Variants in ZNF727 observed in about 807,000 individuals in gnomAD.
ZNF727 encodes the protein zinc finger protein 727.
Under a neutral mutation model 11.5 loss-of-function variants are expected in ZNF727, and 11 were observed. That is an observed-to-expected ratio of 0.95 (90% CI 0.60 to 1.58). ZNF727 has a LOEUF of 1.58. Ranked by LOEUF, ZNF727 falls within the 40% of genes most tolerant of loss-of-function variation. The pLI is 0.00. For synonymous variants in ZNF727, 171 were observed against 196.1 expected (o/e 0.87, Z 1.07); for missense variants, 533 against 581.7 (o/e 0.92, Z 0.86).
At position 64,045,451 on chromosome 7, in the gene ZNF727, A is replaced by T; in HGVS notation, c.-171A>T. The T allele has an allele frequency of 1.1e-6, 1 of 924,758 alleles. No individual in the cohort carries two copies. The highest frequency in any genetic ancestry group is 1.7e-6 in the Non-Finnish European group (1 of 580,378). 57.3% of individuals were successfully genotyped at this position (924,758 alleles called of 1,614,324 possible). The stretch of plus-strand genomic sequence containing the variant: ...GAAGAGGCGGGCTCTTCAATATGGC[A>T]AGGCCTTCGTCTCCTAGCTTCTAGG... On this transcript the variant is annotated 5_prime_UTR_variant, in exon 1 of 4. Transcript: ENST00000456806.
At chr7:64,063,237 T>C (rs1789803801) in intron 1 of ZNF727, among the ~76,000 whole-genome samples, 1 of 152,156 alleles carries the variant, frequency 6.6e-6, no homozygotes, top group Non-Finnish European at 1.5e-5. Flanking sequence ...TTCTGGGCTT[T>C]TTAATACCTG....
chr7:64,070,620 ATACT>A (rs944998806), intron 3 of ZNF727, among the ~76,000 whole-genome samples: 4 of 152,180 alleles, frequency 2.6e-5, no homozygotes, highest in South Asian at 2.1e-4. Context: ...ATAACCTTAC[ATACT>A]TACTTTTTTG....
Position 64,068,879 on chromosome 7 carries a change from T to C in ZNF727, c.4-12T>C. 1 of 1,576,384 alleles carries C rather than the reference T, an allele frequency of 6.3e-7. No individual in the cohort carries two copies. The highest frequency in any genetic ancestry group is 8.6e-7 in the Non-Finnish European group (1 of 1,160,274). On this transcript the variant is annotated splice_polypyrimidine_tract_variant and intron_variant, in intron 1 of 3. Transcript: ENST00000456806. ...TTCTTTGGTCACTTGGTAAATATGT[T>C]TTGTTTTTCAGCGAGTGCTAACATT... is the stretch of plus-strand genomic sequence containing the variant.
At chr7:64,075,787 G>A (rs367764598) in intron 3 of ZNF727, among the ~76,000 whole-genome samples, 5 of 152,152 alleles carry the variant, frequency 3.3e-5, no homozygotes, top group South Asian at 2.1e-4. Context: ...GTACTGTGCC[G>A]TCTACCTGAG....
At chr7:64,054,015 C>A (rs1173533950) in intron 1 of ZNF727, among the ~76,000 whole-genome samples, 1 of 152,152 alleles carries the variant, frequency 6.6e-6, no homozygotes, top group Non-Finnish European at 1.5e-5. Flanking sequence ...TTCTGGAACA[C>A]CCATCTGGGC....
intron 1 of ZNF727, among the ~76,000 whole-genome samples, chr7:64,066,325 A>G (rs1385009010): frequency 6.6e-6 from 1 of 152,212 alleles, no homozygotes; most frequent in African/African-American, 2.4e-5. Context: ...TATGGAACCA[A>G]AAAAGTGCAT....
intron 1 of ZNF727, among the ~76,000 whole-genome samples, chr7:64,065,649 C>CA (rs1404825665): frequency 6.6e-6 from 1 of 152,198 alleles, no homozygotes; most frequent in African/African-American, 2.4e-5. Flanking sequence ...AAGTCAGAGA[C>CA]TGTGTCCACT....
intron 3 of ZNF727, among the ~76,000 whole-genome samples, chr7:64,071,678 T>G (rs991991475): frequency 9.9e-5 from 15 of 152,224 alleles, no homozygotes; most frequent in Middle Eastern, 3.4e-3. Flanking sequence ...AAACCAATAT[T>G]AAGGTTTTAA....
rs140142998 is a variant in ZNF727 at position 64,080,423 on chromosome 7, C to T, written c.*1874C>T. On this transcript the variant is annotated 3_prime_UTR_variant, in exon 4 of 4. Coordinates refer to ENST00000456806, the MANE Select transcript of ZNF727 (RefSeq NM_001159522.3). ...TCTTGAAGCTCTGAGATTCTTCCCT[C>T]TGCTTGGCCTATTCTTCTATTAACA... is the stretch of plus-strand genomic sequence containing the variant. 1.3e-5 allele frequency among the ~76,000 whole-genome samples: 2 copies of T among 152,242 alleles called. No individual in the cohort carries two copies. The highest frequency in any genetic ancestry group is 4.8e-5 in the African/African-American group (2 of 41,542).
At chr7:64,073,925 G>A (rs1001261129) in intron 3 of ZNF727, among the ~76,000 whole-genome samples, 1 of 152,010 alleles carries the variant, frequency 6.6e-6, no homozygotes, top group Non-Finnish European at 1.5e-5. Context: ...TTCATATTAA[G>A]GGAGACAGAC....
chr7:64,072,916 G>A (rs1007407759), intron 3 of ZNF727, among the ~76,000 whole-genome samples: 1 of 152,000 alleles, frequency 6.6e-6, no homozygotes, highest in Non-Finnish European at 1.5e-5. Context: ...ACCCAGGCTG[G>A]TCTCAAACTC....
At chr7:64,064,470 C>T (rs560434882) in intron 1 of ZNF727, among the ~76,000 whole-genome samples, 115 of 152,200 alleles carry the variant, frequency 7.6e-4, no homozygotes, top group African/African-American at 2.5e-3. Flanking sequence ...GTCCAAGCTG[C>T]GGGACAAAGT....
intron 1 of ZNF727, among the ~76,000 whole-genome samples, chr7:64,062,431 G>A (rs1467040327): frequency 1.3e-5 from 2 of 151,334 alleles, no homozygotes; most frequent in Non-Finnish European, 3.0e-5. Flanking sequence ...TATTTTTGCT[G>A]GATGTATTAT....
chr7:64,064,213 G>A (rs1562793924), intron 1 of ZNF727, among the ~76,000 whole-genome samples: 2 of 152,128 alleles, frequency 1.3e-5, no homozygotes, highest in Non-Finnish European at 2.9e-5. Context: ...CCACATGGCT[G>A]CCACAGCTTG....
In ZNF727 at chr7:64,083,027, C is replaced by T. The variant is rs780946017; in HGVS notation, c.*4478C>T. On this transcript the variant is annotated 3_prime_UTR_variant, in exon 4 of 4. Coordinates refer to ENST00000456806, the MANE Select transcript of ZNF727 (RefSeq NM_001159522.3). ...AAGTCACACAAACAGCAAAAATGGC[C>T]GCTCACTCTTCCCTTTAGGAGCTGT... Among the ~76,000 whole-genome samples, 6 of 152,180 alleles carry T rather than the reference C, an allele frequency of 3.9e-5. No homozygotes were observed. Among genetic ancestry groups the T allele is most frequent in the Admixed American group, 6.5e-5 (1 of 15,286 alleles).
chr7:64,084,672 T>G lies in ZNF727; in HGVS notation c.*6123T>G, dbSNP rs901848032. ...ATTCTGAACAACTATTTACAAAATT[T>G]TATCCTACTTTTTTCTGTTGAAAAT... On this transcript the variant is annotated 3_prime_UTR_variant, in exon 4 of 4. Coordinates refer to ENST00000456806, the MANE Select transcript of ZNF727 (RefSeq NM_001159522.3). 1.1e-4 allele frequency among the ~76,000 whole-genome samples: 17 copies of G among 152,314 alleles called. No homozygotes were observed. Among genetic ancestry groups the G allele is most frequent in the African/African-American group, 3.8e-4 (16 of 41,586 alleles).
At chr7:64,050,782 G>GCATA (rs1562789779) in intron 1 of ZNF727, among the ~76,000 whole-genome samples, 1 of 128,296 alleles carries the variant, frequency 7.8e-6, no homozygotes, top group Admixed American at 8.5e-5. Context: ...ATGTATGTGT[G>GCATA]TGTGTGTGTG....
chr7:64,063,858 T>A (rs1434911577), intron 1 of ZNF727, among the ~76,000 whole-genome samples: 1 of 152,076 alleles, frequency 6.6e-6, no homozygotes, highest in Non-Finnish European at 1.5e-5. Context: ...TCCTTCCTAC[T>A]CTTTTCTCTC....
At chr7:64,063,537 C>A (rs567720561) in intron 1 of ZNF727, among the ~76,000 whole-genome samples, 2 of 152,102 alleles carry the variant, frequency 1.3e-5, no homozygotes, top group African/African-American at 4.8e-5. Context: ...ACACTAGCAC[C>A]CCTGTGGCCA....
Sources: allele counts gnomAD v4.1 joint callset (sites outside exome capture counted in the v4.1 genomes callset), GRCh38; gene constraint gnomAD v4.1.1; transcripts MANE v1.5; gene names NCBI Gene and HGNC (gene_info 2026-07-23, HGNC 2026-07-21).